The following KANSL1 variants were observed in gnomAD, a reference collection of about 807,000 sequenced individuals.
KANSL1 encodes the protein MLL1/MLL complex subunit KANSL1.
In KANSL1, 22 loss-of-function variants were observed where a neutral mutation model predicts 103.6. The ratio of observed to expected loss-of-function variants is 0.21; its 90% CI spans 0.15 to 0.30. The LOEUF (loss-of-function observed/expected upper bound fraction) is 0.30. Among genes scored for constraint, KANSL1 ranks in the 10% least tolerant of loss-of-function variants. KANSL1 has a pLI of 1.00. For synonymous variants in KANSL1, 600 were observed against 527.6 expected (o/e 1.14, Z -1.88); for missense variants, 1,337 against 1,399.8 (o/e 0.96, Z 0.72).
intron 1 of KANSL1, among the ~76,000 whole-genome samples, chr17:46,181,642 G>C (rs923445997): frequency 6.6e-6 from 1 of 152,200 alleles, no homozygotes; most frequent in Admixed American, 6.5e-5. Flanking sequence ...ACGTTGGCCA[G>C]GCTGGTTTCG....
intron 2 of KANSL1, chr17:46,148,056 A>G (rs1018852318): frequency 6.6e-6 from 1 of 152,250 alleles, no homozygotes; most frequent in African/African-American, 2.4e-5. Flanking sequence ...TAGAAAAGTT[A>G]TAAGACTTTA....
chr17:46,139,296 C>CAAAAAA (rs370375207), intron 2 of KANSL1, among the ~76,000 whole-genome samples: 1 of 139,474 alleles, frequency 7.2e-6, no homozygotes, highest in Non-Finnish European at 1.6e-5. Flanking sequence ...TTTCATAGGC[C>CAAAAAA]AAAAAAAAAA....
At chr17:46,118,827 T>C (rs763885659) in intron 2 of KANSL1, among the ~76,000 whole-genome samples, 1 of 152,226 alleles carries the variant, frequency 6.6e-6, no homozygotes, top group Non-Finnish European at 1.5e-5. Flanking sequence ...TGGAAAACCA[T>C]TGCCCTACAC....
chr17:46,222,964 C>T (rs1788060032), intron 1 of KANSL1: 1 of 150,608 alleles, frequency 6.6e-6, no homozygotes, highest in African/African-American at 2.5e-5. Flanking sequence ...AGTTCTTTGG[C>T]CATCTATGTA....
In KANSL1 at chr17:46,170,708, C is replaced by CA. The variant is rs1415268588; in HGVS notation, c.1289+146dup. The CA allele has an allele frequency of 4.6e-6, 4 of 863,416 alleles. No individual in the cohort carries two copies. The African/African-American group carries it at 5.3e-5, about 11-fold the overall frequency. 53.5% of individuals were successfully genotyped at this position (863,416 alleles called of 1,614,324 possible). ...CCCCTTCTTCACTAGCATGTATATG[C>CA]ACTCATCTACCCAACATCAGGGAAA... is the stretch of plus-strand genomic sequence containing the variant. On this transcript the variant is annotated intron_variant, in intron 2 of 14. Transcript: ENST00000432791.
chr17:46,177,651 T>C (rs2532256), intron 1 of KANSL1, among the ~76,000 whole-genome samples: 21,951 of 152,264 alleles, frequency 0.14, 2,134 homozygotes, highest in Non-Finnish European at 0.22. Flanking sequence ...GTCTTTTGTT[T>C]CTTGGCTTAT....
chr17:46,042,134 C>CTT (rs56155809), intron 7 of KANSL1: 21,775 of 152,142 alleles, frequency 0.14, 2,123 homozygotes, highest in Non-Finnish European at 0.22. Context: ...GTCTCGATCT[C>CTT]GACCTCGTGA....
chr17:46,039,998 AAGTG>A, intron 7 of KANSL1, 114 bp from the exon 8 acceptor site: 1 of 859,272 alleles, frequency 1.2e-6, no homozygotes, highest in Non-Finnish European at 1.9e-6. Flanking sequence ...TTGGCAGGGC[AAGTG>A]CTGTCATATG....
intron 3 of KANSL1, 129 bp downstream of exon 3, chr17:46,094,431 T>G: frequency 8.9e-7 from 1 of 1,126,256 alleles, no homozygotes; most frequent in South Asian, 1.5e-5. Context: ...CTATATCAGG[T>G]CATTAAACCA....
Position 46,171,803 on chromosome 17 carries a change from A to G in KANSL1, c.341T>C (p.Leu114Ser), listed in dbSNP as rs2046305435. 2.5e-6 allele frequency: 4 copies of G among 1,614,062 alleles called. No individual in the cohort carries two copies. Among genetic ancestry groups the G allele is most frequent in the Non-Finnish European group, 3.4e-6 (4 of 1,179,940 alleles). ...AGCTCGGAGTTCATAGGACTGAGAT[A>G]AGAGAGGATGAGATTTAAGGACTGT... ...KQTVLKSHPL[L>S]SQSYELRAEL... Residue 114 changes from leucine to serine, a missense_variant, in exon 2 of 15, where the codon TTA becomes TCA. Leu to Ser is a moderately radical substitution (Grantham distance 145). Coordinates refer to ENST00000432791, the MANE Select transcript of KANSL1 (RefSeq NM_015443.4).
At chr17:46,111,514 G>C (rs2042804114) in intron 2 of KANSL1, among the ~76,000 whole-genome samples, 1 of 152,112 alleles carries the variant, frequency 6.6e-6, no homozygotes, top group South Asian at 2.1e-4. Flanking sequence ...CCAACCGAAA[G>C]AGAATATTAA....
chr17:46,060,474 T>C (rs1192020623), intron 6 of KANSL1, among the ~76,000 whole-genome samples: 1 of 152,186 alleles, frequency 6.6e-6, no homozygotes, highest in Admixed American at 6.5e-5. Flanking sequence ...CATAACAGTT[T>C]AGAGGTAACT....
At chr17:46,149,667 C>T (rs2044966502) in intron 2 of KANSL1, among the ~76,000 whole-genome samples, 1 of 152,238 alleles carries the variant, frequency 6.6e-6, no homozygotes, top group Non-Finnish European at 1.5e-5. Flanking sequence ...CAACTAATAT[C>T]AACTTTCCTA....
chr17:46,111,332 G>A (rs975430861), intron 2 of KANSL1, among the ~76,000 whole-genome samples: 2 of 152,082 alleles, frequency 1.3e-5, no homozygotes, highest in African/African-American at 2.4e-5. Context: ...CCTCAGCCTC[G>A]CAGGTAGCTA....
intron 2 of KANSL1, among the ~76,000 whole-genome samples, chr17:46,103,933 CAGG>C (rs532251207): frequency 2.2e-4 from 34 of 152,288 alleles, no homozygotes; most frequent in African/African-American, 7.7e-4. Context: ...GAGGCTGAGG[CAGG>C]AGAATTGCTT....
intron 2 of KANSL1, among the ~76,000 whole-genome samples, chr17:46,142,455 G>GA (rs112210773): frequency 8.4e-4 from 127 of 151,720 alleles, no homozygotes; most frequent in African/African-American, 2.9e-3. Flanking sequence ...TCTCTACAAA[G>GA]AAAAAAAAAT....
chr17:46,097,107 T>C (rs561075295), intron 2 of KANSL1, among the ~76,000 whole-genome samples: 3 of 152,366 alleles, frequency 2.0e-5, no homozygotes, highest in Non-Finnish European at 4.4e-5. Context: ...GAGGAGAGTC[T>C]GTAATAGATA....
chr17:46,155,726 A>G (rs1191913444), intron 2 of KANSL1, among the ~76,000 whole-genome samples: 1 of 152,188 alleles, frequency 6.6e-6, no homozygotes, highest in Non-Finnish European at 1.5e-5. Context: ...ACAGAAGAGG[A>G]GCATAACACT....
At chr17:46,039,608 AC>A in intron 8 of KANSL1, 93 bp downstream of exon 8, 1 of 1,399,414 alleles carries the variant, frequency 7.1e-7, no homozygotes, top group Middle Eastern at 2.4e-4. Context: ...GCCTCTCCCA[AC>A]CCCAACATGC....
Sources: allele counts gnomAD v4.1 joint callset (sites outside exome capture counted in the v4.1 genomes callset), GRCh38; gene constraint gnomAD v4.1.1; transcripts MANE v1.5; gene names NCBI Gene and HGNC (gene_info 2026-07-23, HGNC 2026-07-21).